Variants in ARHGAP22 observed in about 807,000 individuals in gnomAD.
The protein encoded by ARHGAP22 is Rho GTPase activating protein 22.
Under a neutral mutation model 59.1 loss-of-function variants are expected in ARHGAP22, and 48 were observed. That is an observed-to-expected ratio of 0.81 (90% confidence interval 0.64 to 1.03). The LOEUF (loss-of-function observed/expected upper bound fraction) is 1.03, where lower values mean the gene tolerates loss of function less well. Ranked by LOEUF, ARHGAP22 falls within the 50% of genes least tolerant of loss-of-function variation. The pLI is 0.00. For synonymous variants in ARHGAP22, 445 were observed against 416.4 expected (o/e 1.07, Z -0.84); for missense variants, 1,015 against 958.7 (o/e 1.06, Z -0.78).
chr10:48,439,705 G>T, the ARHGAP22 span, among the ~76,000 whole-genome samples: 1 of 152,294 alleles, frequency 6.6e-6, no homozygotes, highest in South Asian at 2.1e-4. Context: ...CAAGCAAGAG[G>T]TTTTAGCTTT....
At chr10:48,557,536 T>C (rs1371258687) in intron 2 of ARHGAP22, among the ~76,000 whole-genome samples, 1 of 152,124 alleles carries the variant, frequency 6.6e-6, no homozygotes, top group African/African-American at 2.4e-5. Context: ...GTCAGGAAGG[T>C]GATGCAACCA....
intron 2 of ARHGAP22, among the ~76,000 whole-genome samples, chr10:48,556,074 C>A (rs547103403): frequency 6.6e-6 from 1 of 152,232 alleles, no homozygotes; most frequent in South Asian, 2.1e-4. Flanking sequence ...GTGCCAGGTG[C>A]CTGGGGTGCA....
At chr10:48,492,173 C>A in intron 3 of ARHGAP22, among the ~76,000 whole-genome samples, 1 of 152,144 alleles carries the variant, frequency 6.6e-6, no homozygotes, top group East Asian at 1.9e-4. Context: ...GGGACTTATT[C>A]CATTATGTTC....
chr10:48,493,752 C>T (rs1370429812), intron 3 of ARHGAP22: 6 of 1,002,468 alleles, frequency 6.0e-6, no homozygotes, highest in South Asian at 2.4e-5. Flanking sequence ...GGGAGGTCGG[C>T]GTGGTTGTTC....
intron 9 of ARHGAP22, among the ~76,000 whole-genome samples, chr10:48,448,581 C>G (rs560979809): frequency 1.3e-3 from 198 of 152,070 alleles, no homozygotes; most frequent in Non-Finnish European, 2.1e-3. Context: ...GGAGCCAGGA[C>G]AAGGCCAGCC....
the ARHGAP22 span, among the ~76,000 whole-genome samples, chr10:48,434,116 A>C: frequency 2.7e-4 from 41 of 152,274 alleles, no homozygotes; most frequent in Non-Finnish European, 4.4e-4. Flanking sequence ...ATTCCTGTTA[A>C]CTTTTTAAAA....
In ARHGAP22 at chr10:48,641,669, C is replaced by A. The variant is rs12359388; in HGVS notation, c.52+10565G>T. On this transcript the variant is annotated intron_variant, in intron 1 of 9. Coordinates refer to the ARHGAP22 transcript ENST00000435790. ...AATGGGCAAAAACTGGAAGCATTCC[C>A]TTTGAAAACTGGCACAAGACAGGGA... 7.2e-3 allele frequency among the ~76,000 whole-genome samples: 1,104 copies of A among 152,276 alleles called. 5 individuals are homozygous for A. The highest frequency in any genetic ancestry group is 0.017 in the Middle Eastern group (5 of 294).
chr10:48,560,373 T>G (rs1190566746), intron 2 of ARHGAP22, among the ~76,000 whole-genome samples: 1 of 152,172 alleles, frequency 6.6e-6, no homozygotes, highest in East Asian at 1.9e-4. Flanking sequence ...TCCCCAACAA[T>G]AATAACTCAT....
intron 1 of ARHGAP22, among the ~76,000 whole-genome samples, chr10:48,645,271 G>T (rs1283826349): frequency 6.6e-6 from 1 of 152,086 alleles, no homozygotes; most frequent in Non-Finnish European, 1.5e-5. Context: ...ATTCTATGAG[G>T]CCAGTATTAC....
chr10:48,470,884 T>C (rs1484922642), intron 4 of ARHGAP22, among the ~76,000 whole-genome samples: 2 of 152,228 alleles, frequency 1.3e-5, no homozygotes, highest in Non-Finnish European at 2.9e-5. Flanking sequence ...AGTGGTCCAC[T>C]AGGACCTTGG....
At chr10:48,523,634 G>A (rs1334167750) in intron 3 of ARHGAP22, among the ~76,000 whole-genome samples, 1 of 152,094 alleles carries the variant, frequency 6.6e-6, no homozygotes, top group Admixed American at 6.5e-5. Context: ...CCGCAGGGGC[G>A]GCGCAGGGCG....
upstream of ARHGAP22, among the ~76,000 whole-genome samples, chr10:48,655,300 G>A (rs2062777530): frequency 1.4e-5 from 2 of 147,494 alleles, no homozygotes; most frequent in African/African-American, 5.1e-5. Context: ...GAGACCTCTG[G>A]TTAGGGAATT....
chr10:48,566,120 C>T (rs952524256), intron 2 of ARHGAP22, among the ~76,000 whole-genome samples: 6 of 152,188 alleles, frequency 3.9e-5, no homozygotes, highest in Non-Finnish European at 5.9e-5. Context: ...TTCACCTTGT[C>T]TAGGAGACTG....
At chr10:48,635,820 C>A (rs2061794280) in intron 1 of ARHGAP22, among the ~76,000 whole-genome samples, 1 of 152,214 alleles carries the variant, frequency 6.6e-6, no homozygotes, top group Non-Finnish European at 1.5e-5. Flanking sequence ...TGCTATTGGA[C>A]AACATAAACT....
chr10:48,563,019 G>A (rs10776616), intron 2 of ARHGAP22, among the ~76,000 whole-genome samples: 110,039 of 151,606 alleles, frequency 0.73, 40,774 homozygotes, highest in East Asian at 0.91. Context: ...GGCAGGATCT[G>A]TTTCTCACTT....
intron 3 of ARHGAP22, among the ~76,000 whole-genome samples, chr10:48,550,156 T>C (rs1228313124): frequency 6.6e-6 from 1 of 152,182 alleles, no homozygotes; most frequent in Non-Finnish European, 1.5e-5. Context: ...CACTTAACCT[T>C]CAAAGAGCAG....
At chr10:48,615,934 A>G (rs2135998449) in intron 1 of ARHGAP22, among the ~76,000 whole-genome samples, 1 of 151,594 alleles carries the variant, frequency 6.6e-6, no homozygotes, top group East Asian at 1.9e-4. Flanking sequence ...GTCAAATGAA[A>G]TTATTCAGTC....
intron 1 of ARHGAP22, among the ~76,000 whole-genome samples, chr10:48,622,845 A>G (rs1050682497): frequency 6.6e-6 from 1 of 152,224 alleles, no homozygotes; most frequent in Admixed American, 6.5e-5. Context: ...TACACTGGTT[A>G]TTAAACAGAT....
At chr10:48,625,782 G>A (rs2136062456) in intron 1 of ARHGAP22, among the ~76,000 whole-genome samples, 1 of 151,964 alleles carries the variant, frequency 6.6e-6, no homozygotes, top group South Asian at 2.1e-4. Flanking sequence ...CAAACTCAGA[G>A]GAGGGAAGAT....
Sources: allele counts gnomAD v4.1 joint callset (sites outside exome capture counted in the v4.1 genomes callset), GRCh38; gene constraint gnomAD v4.1.1; transcripts MANE v1.5; gene names NCBI Gene and HGNC (gene_info 2026-07-23, HGNC 2026-07-21).